JARID2: variants seen among roughly 807,000 people sequenced by gnomAD.
The protein encoded by JARID2 is jumonji and AT-rich interaction domain containing 2, also known as protein Jumonji.
A neutral mutation model predicts 125.6 loss-of-function variants in JARID2; 21 were observed. The observed-to-expected ratio is 0.17, with a 90% CI of 0.12 to 0.24. JARID2 has a LOEUF of 0.24. Ranked by LOEUF, JARID2 falls within the 10% of genes least tolerant of loss-of-function variation. The pLI is 1.00. For synonymous variants in JARID2, 736 were observed against 661.6 expected (o/e 1.11, Z -1.73); for missense variants, 1,303 against 1,639.6 (o/e 0.79, Z 3.55).
chr6:15,496,341 C>T lies in JARID2; in HGVS notation c.1116C>T (p.Asn372=). 1 of 1,614,198 alleles carries T rather than the reference C, an allele frequency of 6.2e-7. No homozygotes were observed. Among genetic ancestry groups the T allele is most frequent in the Non-Finnish European group, 8.5e-7 (1 of 1,180,044 alleles). Residue 372 remains asparagine (N), a synonymous_variant, in exon 7 of 18, where the codon AAC becomes AAT. Coordinates refer to ENST00000341776, the MANE Select transcript of JARID2 (RefSeq NM_004973.4). ...PNHHKPSSAV[N]HTISGKTESS... is the part of the protein sequence containing the mutation. ...ACCACAAGCCCAGTTCCGCTGTCAA[C>T]CACACAATCTCAGGGAAAACTGAAA...
chr6:15,480,795 G>A (rs1769576012), intron 5 of JARID2, among the ~76,000 whole-genome samples: 1 of 152,198 alleles, frequency 6.6e-6, no homozygotes, highest in Non-Finnish European at 1.5e-5. Flanking sequence ...CCCAAACGGG[G>A]TTGGTGAGCA....
intron 1 of JARID2, among the ~76,000 whole-genome samples, chr6:15,261,316 T>C (rs1319476769): frequency 2.5e-4 from 24 of 94,986 alleles, no homozygotes; most frequent in African/African-American, 5.0e-4. Context: ...TTCTTCTTTT[T>C]TTTTTTTTTT....
chr6:15,330,476 T>A (rs1456612928), intron 1 of JARID2, among the ~76,000 whole-genome samples: 3 of 152,154 alleles, frequency 2.0e-5, no homozygotes. Flanking sequence ...CCTCTTCTTT[T>A]TTCATTTTTT....
intron 1 of JARID2, among the ~76,000 whole-genome samples, chr6:15,313,723 T>C (rs1170981064): frequency 6.6e-6 from 1 of 152,248 alleles, no homozygotes; most frequent in Non-Finnish European, 1.5e-5. Flanking sequence ...CTCTGGCTGA[T>C]GTATAGAAAC....
chr6:15,373,423 C>A (rs1026266767), intron 1 of JARID2, among the ~76,000 whole-genome samples: 1 of 152,170 alleles, frequency 6.6e-6, no homozygotes, highest in Non-Finnish European at 1.5e-5. Flanking sequence ...TGTATTCGTT[C>A]TGGAGCAACA....
At chr6:15,294,351 C>T (rs958960335) in intron 1 of JARID2, among the ~76,000 whole-genome samples, 1 of 152,158 alleles carries the variant, frequency 6.6e-6, no homozygotes, top group Non-Finnish European at 1.5e-5. Flanking sequence ...TGCCAGCACA[C>T]CCGGCTAATT....
In JARID2 at chr6:15,497,511, G is replaced by T. The variant is rs143966389; in HGVS notation, c.1945+341G>T. ...AAAAATACAAAAAAATTAGCCGGGC[G>T]TGGTGGCGGGGGCCTGTAGTCCCAG... On this transcript the variant is annotated intron_variant, in intron 7 of 17. Transcript: ENST00000341776. Among the ~76,000 whole-genome samples the T allele has an allele frequency of 8.2e-4, 125 of 152,208 alleles. 1 individual carries two copies. Among genetic ancestry groups the T allele is most frequent in the African/African-American group, 3.0e-3 (123 of 41,520 alleles).
chr6:15,287,057 C>T (rs1447675988), intron 1 of JARID2, among the ~76,000 whole-genome samples: 3 of 152,010 alleles, frequency 2.0e-5, no homozygotes, highest in Admixed American at 6.6e-5. Context: ...ACCTGGGAGG[C>T]GGAGGTTGCG....
chr6:15,350,149 C>A (rs934710393), intron 1 of JARID2, among the ~76,000 whole-genome samples: 1 of 152,104 alleles, frequency 6.6e-6, no homozygotes, highest in East Asian at 1.9e-4. Flanking sequence ...ACAGCCCTTT[C>A]CATCAAGCTT....
At chr6:15,439,431 G>GA (rs1767355191) in intron 3 of JARID2, among the ~76,000 whole-genome samples, 2 of 152,116 alleles carry the variant, frequency 1.3e-5, no homozygotes, top group African/African-American at 4.8e-5. Context: ...ATGCCATCCA[G>GA]AAAAAATGAA....
At chr6:15,514,951 A>G (rs1771473604) in intron 16 of JARID2, among the ~76,000 whole-genome samples, 1 of 152,210 alleles carries the variant, frequency 6.6e-6, no homozygotes, top group Non-Finnish European at 1.5e-5. Flanking sequence ...TTTGGTTCTT[A>G]AAAGAAAATG....
At chr6:15,295,441 T>C (rs1761378625) in intron 1 of JARID2, among the ~76,000 whole-genome samples, 1 of 152,166 alleles carries the variant, frequency 6.6e-6, no homozygotes, top group African/African-American at 2.4e-5. Context: ...TAATTAGAAG[T>C]TAATTTATAT....
At chr6:15,432,020 T>C (rs1766985354) in intron 3 of JARID2, among the ~76,000 whole-genome samples, 1 of 151,968 alleles carries the variant, frequency 6.6e-6, no homozygotes, top group Non-Finnish European at 1.5e-5. Context: ...ACAGTTCAGC[T>C]GGTACCAGTG....
chr6:15,355,535 A>T (rs1763569666), intron 1 of JARID2, among the ~76,000 whole-genome samples: 1 of 152,112 alleles, frequency 6.6e-6, no homozygotes, highest in African/African-American at 2.4e-5. Flanking sequence ...AAAATCACAT[A>T]AGATTCACTG....
At chr6:15,302,673 G>T (rs952997198) in intron 1 of JARID2, among the ~76,000 whole-genome samples, 4 of 152,162 alleles carry the variant, frequency 2.6e-5, no homozygotes, top group Non-Finnish European at 5.9e-5. Context: ...TAAGGCAAAG[G>T]ATAACATATA....
chr6:15,482,165 C>T (rs997906159), intron 5 of JARID2, among the ~76,000 whole-genome samples: 4 of 152,196 alleles, frequency 2.6e-5, no homozygotes, highest in African/African-American at 7.2e-5. Context: ...CCTTGCCCTG[C>T]CAAGTGATTT....
intron 4 of JARID2, among the ~76,000 whole-genome samples, chr6:15,468,248 AT>A (rs921319980): frequency 9.4e-6 from 1 of 106,752 alleles, no homozygotes; most frequent in South Asian, 2.9e-4. Flanking sequence ...TTATTTTATT[AT>A]TTTTTTGTTC....
At chr6:15,282,852 C>T (rs567414231) in intron 1 of JARID2, among the ~76,000 whole-genome samples, 55 of 152,108 alleles carry the variant, frequency 3.6e-4, no homozygotes, top group African/African-American at 1.1e-3. Flanking sequence ...CGGTCCACCT[C>T]GGCCTCCCAA....
At chr6:15,298,964 C>T (rs949774965) in intron 1 of JARID2, among the ~76,000 whole-genome samples, 8 of 133,330 alleles carry the variant, frequency 6.0e-5, no homozygotes, top group Admixed American at 4.6e-4. Flanking sequence ...TGCTGGGTAT[C>T]CTTAAATGTG....
Sources: allele counts gnomAD v4.1 joint callset (sites outside exome capture counted in the v4.1 genomes callset), GRCh38; gene constraint gnomAD v4.1.1; transcripts MANE v1.5; gene names NCBI Gene and HGNC (gene_info 2026-07-23, HGNC 2026-07-21).